PACC1: variants seen among roughly 807,000 people sequenced by gnomAD.
The protein encoded by PACC1 is proton-activated chloride channel.
Under a neutral mutation model 39.7 loss-of-function variants are expected in PACC1, and 34 were observed. The ratio of observed to expected loss-of-function variants is 0.86; its 90% CI spans 0.65 to 1.14. The LOEUF (loss-of-function observed/expected upper bound fraction) is 1.14, where lower values mean the gene tolerates loss of function less well. Among genes scored for constraint, PACC1 ranks in the 50% most tolerant of loss-of-function variants. PACC1 has a pLI of 0.00. For missense variants in PACC1, 379 were observed against 436.4 expected, an observed-to-expected ratio of 0.87 and a Z score of 1.17; for synonymous variants, 127 against 160.6, an observed-to-expected ratio of 0.79 and a Z score of 1.58.
Position 212,385,321 on chromosome 1 carries a change from T to C in PACC1, c.448A>G (p.Thr150Ala), listed in dbSNP as rs1468217544. The change falls in exon 4 of 8, where the codon ACC becomes GCC. Residue 150 changes from threonine to alanine, a missense_variant. Coordinates refer to ENST00000261455, the MANE Select transcript of PACC1 (RefSeq NM_018252.3). ...TCCGTGTAGTTGATCCTCTGGGTGG[T>C]GCAATTCATGTCACCCGGCTGGCCA... ...SPGQPGDMNC[T>A]TQRINYTDPF... 7 of 1,613,998 alleles carry C rather than the reference T, an allele frequency of 4.3e-6. No homozygotes were observed. The highest frequency in any genetic ancestry group is 5.9e-6 in the Non-Finnish European group (7 of 1,179,988).
At chr1:212,397,475 A>C (rs1341769922) in intron 2 of PACC1, among the ~76,000 whole-genome samples, 1 of 152,220 alleles carries the variant, frequency 6.6e-6, no homozygotes, top group East Asian at 1.9e-4. Context: ...ATAATTATTT[A>C]ATTTTACTTT....
Position 212,365,104 on chromosome 1 carries a change from A to C in PACC1, c.*111T>G. On this transcript the variant is annotated 3_prime_UTR_variant, in exon 8 of 8. Transcript: ENST00000261455. ...GTTTTACATGCTGTTCCTCCCAGCA[A>C]GGCCCCATTTCTTCAAGTGAGTACA... The C allele has an allele frequency of 1.8e-6, 2 of 1,103,178 alleles. No individual in the cohort carries two copies. Among genetic ancestry groups the C allele is most frequent in the Non-Finnish European group, 2.5e-6 (2 of 789,574 alleles). The allele number at this position is 1,103,178 out of a possible 1,614,324, so 68.3% of individuals were successfully genotyped here.
chr1:212,382,233 C>T (rs111407538), intron 4 of PACC1, among the ~76,000 whole-genome samples: 100 of 152,052 alleles, frequency 6.6e-4, no homozygotes, highest in African/African-American at 2.2e-3. Context: ...TTAGTAGAGA[C>T]GGGGTTTCAC....
intron 2 of PACC1, 23 bp downstream of exon 2, chr1:212,410,402 A>G (rs1571685451): frequency 1.2e-6 from 2 of 1,610,704 alleles, no homozygotes; most frequent in East Asian, 4.5e-5. Flanking sequence ...GCAACAGCAC[A>G]GCAAAGCACC....
chr1:212,368,213 T>C (rs1660313438), intron 7 of PACC1, among the ~76,000 whole-genome samples: 1 of 152,146 alleles, frequency 6.6e-6, no homozygotes, highest in Non-Finnish European at 1.5e-5. Context: ...ACTACACGCT[T>C]AGGGAACTCA....
chr1:212,381,233 A>C (rs1180606898), intron 4 of PACC1, among the ~76,000 whole-genome samples: 1 of 152,156 alleles, frequency 6.6e-6, no homozygotes, highest in Non-Finnish European at 1.5e-5. Flanking sequence ...TTGTACATAA[A>C]GTTTTGGAAC....
chr1:212,374,007 T>C (rs1013864664), intron 7 of PACC1, among the ~76,000 whole-genome samples: 1 of 150,544 alleles, frequency 6.6e-6, no homozygotes, highest in African/African-American at 2.5e-5. Flanking sequence ...GCAATCTCAT[T>C]GCTGGGTGCA....
chr1:212,374,195 GTA>G (rs371961398), intron 7 of PACC1, among the ~76,000 whole-genome samples: 12 of 150,810 alleles, frequency 8.0e-5, no homozygotes, highest in Non-Finnish European at 1.6e-4. Flanking sequence ...AATGTGGTGT[GTA>G]TATATATATA....
intron 7 of PACC1, among the ~76,000 whole-genome samples, chr1:212,374,439 G>A (rs972768042): frequency 5.3e-5 from 8 of 152,124 alleles, no homozygotes; most frequent in Non-Finnish European, 8.8e-5. Context: ...AGGAGATGAA[G>A]AGAAATTGGT....
intron 4 of PACC1, among the ~76,000 whole-genome samples, chr1:212,381,677 GACACACACACACACACTGCACA>G (rs1660886949): frequency 6.9e-5 from 6 of 86,868 alleles, no homozygotes; most frequent in South Asian, 4.8e-4. Flanking sequence ...CATGTGCACA[GACACACACACACACACTGCACA>G]CACACACACA....
chr1:212,378,897 A>G (rs1164984771), intron 5 of PACC1, among the ~76,000 whole-genome samples: 2 of 151,968 alleles, frequency 1.3e-5, no homozygotes, highest in Non-Finnish European at 2.9e-5. Flanking sequence ...AGGCCTTTAC[A>G]ATGATCACTT....
chr1:212,414,057 T>C, intron 1 of PACC1: 1 of 1,534,790 alleles, frequency 6.5e-7, no homozygotes, highest in Non-Finnish European at 8.7e-7. Flanking sequence ...AGGGCTTGCT[T>C]GAAGGAAGCG....
At chr1:212,393,926 G>T (rs1182134246) in intron 2 of PACC1, among the ~76,000 whole-genome samples, 1 of 152,012 alleles carries the variant, frequency 6.6e-6, no homozygotes, top group African/African-American at 2.4e-5. Context: ...AACAGGCTCT[G>T]AAATTGAGGC....
chr1:212,384,555 C>T (rs886448094), intron 4 of PACC1, among the ~76,000 whole-genome samples: 5 of 152,344 alleles, frequency 3.3e-5, no homozygotes, highest in Non-Finnish European at 5.9e-5. Flanking sequence ...ATTTCCTCTG[C>T]CTAGAAAACC....
intron 4 of PACC1, among the ~76,000 whole-genome samples, chr1:212,382,767 G>A (rs540398723): frequency 6.6e-6 from 1 of 152,344 alleles, no homozygotes; most frequent in Admixed American, 6.5e-5. Flanking sequence ...CACAAGCTGT[G>A]CAGCCACCAG....
At chr1:212,371,624 A>G (rs768442282) in intron 7 of PACC1, among the ~76,000 whole-genome samples, 1 of 152,152 alleles carries the variant, frequency 6.6e-6, no homozygotes, top group African/African-American at 2.4e-5. Flanking sequence ...ATTAATAGCA[A>G]TTCTACTCAA....
intron 7 of PACC1, among the ~76,000 whole-genome samples, chr1:212,369,600 G>C (rs1274000385): frequency 6.6e-6 from 1 of 152,042 alleles, no homozygotes; most frequent in Non-Finnish European, 1.5e-5. Flanking sequence ...GGTCAACATG[G>C]CAAAACCCTG....
At position 212,413,862 on chromosome 1, in the gene PACC1, A is replaced by T. The variant is rs768288622; in HGVS notation, c.36+860T>A. 4.6e-6 allele frequency: 7 copies of T among 1,517,472 alleles called. No individual in the cohort carries two copies. In the South Asian group the frequency reaches 8.7e-5, roughly 19 times the overall value. 94.0% of individuals were successfully genotyped at this position (1,517,472 alleles called of 1,614,324 possible). A position where few individuals can be genotyped will look rare whatever the true frequency, so the allele number is the denominator to read the frequency against. The stretch of plus-strand genomic sequence containing the variant: ...ACACAGTATCGCACTCAGAGGTTAC[A>T]GCAAACACAGGGACACAAACTGGAG... On this transcript the variant is annotated intron_variant, in intron 1 of 7. Transcript: ENST00000261455.
chr1:212,410,064 G>A (rs1662067282), intron 2 of PACC1: 1 of 266,440 alleles, frequency 3.8e-6, no homozygotes, highest in South Asian at 4.9e-5. Context: ...TTACTGGACA[G>A]GCCTAGTATC....
Sources: gnomAD v4.1 joint callset for allele counts (sites outside exome capture counted in the v4.1 genomes callset) on GRCh38, gnomAD v4.1.1 for gene constraint, MANE v1.5 for transcripts, NCBI Gene and HGNC (gene_info 2026-07-23, HGNC 2026-07-21) for gene names.